Variants in CAPRIN2 observed in about 807,000 individuals in gnomAD.
The protein encoded by CAPRIN2 is caprin-2.
CAPRIN2 carries 66 observed loss-of-function variants against 130.4 expected under a neutral mutation model. The ratio of observed to expected loss-of-function variants is 0.51; its 90% CI spans 0.42 to 0.62. CAPRIN2 has a LOEUF of 0.62. Among genes scored for constraint, CAPRIN2 ranks in the 20% least tolerant of loss-of-function variants. The pLI, the probability that CAPRIN2 is intolerant of heterozygous loss-of-function variation, is 0.00. For missense variants in CAPRIN2, 1,185 were observed against 1,246.6 expected, an observed-to-expected ratio of 0.95 and a Z score of 0.74; for synonymous variants, 471 against 444.1, an observed-to-expected ratio of 1.06 and a Z score of -0.76.
Position 30,710,126 on chromosome 12 carries a change from G to C in CAPRIN2, c.3010C>G (p.Leu1004Val). 1 of 1,614,112 alleles carries C rather than the reference G, an allele frequency of 6.2e-7. No individual in the cohort carries two copies. The highest frequency in any genetic ancestry group is 8.5e-7 in the Non-Finnish European group (1 of 1,180,012). ...ACATACAGTGGCACATTCACTGCCA[G>C]CTTTAGCATGTGAAAAATGAAAACG... The change falls in exon 17 of 17, where the codon CTG becomes GTG. Residue 1004 changes from leucine to valine, a missense_variant. Leu to Val is a conservative substitution (Grantham distance 32, BLOSUM62 1). Around this residue, in one of 2 missense-constraint regions of CAPRIN2, gnomAD observed 81 missense variants for 142.2 expected, o/e 0.57. Transcript: ENST00000298892. This position sits in a 1 kb window ranked among gnomAD's most constrained non-coding sequence, Gnocchi z 4.8.
exon 1 of CAPRIN2, chr12:30,753,536 C>T (rs2074981174): frequency 6.2e-7 from 1 of 1,614,028 alleles, no homozygotes; most frequent in African/African-American, 1.3e-5. Flanking sequence ...CCTCTCTTTC[C>T]TCCTCTGAAT....
chr12:30,731,523 G>GATTA lies in CAPRIN2; in HGVS notation c.893-17_893-14dup, dbSNP rs746202645. 6.2e-7 allele frequency: 1 copy of GATTA among 1,601,506 alleles called. No homozygotes were observed. Among genetic ancestry groups the GATTA allele is most frequent in the South Asian group, 1.1e-5 (1 of 89,228 alleles). On this transcript the variant is annotated splice_polypyrimidine_tract_variant and intron_variant, in intron 5 of 16. Coordinates refer to ENST00000298892, the Ensembl canonical transcript of CAPRIN2. ...TTCAAGTGTTTGTCTAAGAAAGAGT[G>GATTA]ATTAAGACTTAATTGTCACATGACC... is the stretch of plus-strand genomic sequence containing the variant.
chr12:30,713,761 A>T, intron 15 of CAPRIN2, 24 bp downstream of exon 17: 1 of 1,319,418 alleles, frequency 7.6e-7, no homozygotes, highest in Non-Finnish European at 1.1e-6. Flanking sequence ...CCACTATTCA[A>T]CTATGACAAC....
intron 1 of CAPRIN2, among the ~76,000 whole-genome samples, chr12:30,752,736 C>T (rs920466225): frequency 1.3e-5 from 2 of 151,182 alleles, no homozygotes; most frequent in East Asian, 3.9e-4. Flanking sequence ...AGAAGAGAAA[C>T]GTAATACAGC....
At chr12:30,716,797 C>T in intron 12 of CAPRIN2, 121 bp from the exon 15 acceptor site, 1 of 762,896 alleles carries the variant, frequency 1.3e-6, no homozygotes, top group Non-Finnish European at 2.2e-6. Context: ...CTTGAATAGA[C>T]ATCTCTCCAA....
In CAPRIN2 at chr12:30,734,664, T is replaced by C. The variant is rs566767315; in HGVS notation, c.809+304A>G. Among the ~76,000 whole-genome samples the C allele has an allele frequency of 1.4e-4, 21 of 152,268 alleles. 1 individual carries two copies. The highest frequency in any genetic ancestry group is 6.2e-4 in the South Asian group (3 of 4,818). On this transcript the variant is annotated intron_variant, in intron 4 of 16. Transcript: ENST00000298892. ...GATATAATATTATACTTGTACAGGATTAAAATTTGATGCTCAGACCTCATT... is the reference window on the plus strand; with the variant it reads ...GATATAATATTATACTTGTACAGGACTAAAATTTGATGCTCAGACCTCATT...
chr12:30,724,382 C>A, exon 10 of CAPRIN2: 1 of 1,609,022 alleles, frequency 6.2e-7, no homozygotes, highest in Non-Finnish European at 8.5e-7. Context: ...ACGGGGCTAC[C>A]TGGAGTAGCT....
At chr12:30,743,130 C>T (rs1249957290) in intron 2 of CAPRIN2, among the ~76,000 whole-genome samples, 1 of 123,444 alleles carries the variant, frequency 8.1e-6, no homozygotes, top group South Asian at 3.2e-4. Flanking sequence ...CCTCCCCCCG[C>T]CCCCGCTTCT....
chr12:30,749,158 A>G (rs538514872), intron 2 of CAPRIN2, among the ~76,000 whole-genome samples: 7 of 152,280 alleles, frequency 4.6e-5, no homozygotes, highest in Non-Finnish European at 7.4e-5. Flanking sequence ...CACGTGCAAA[A>G]AACCCTGCAG....
intron 2 of CAPRIN2, among the ~76,000 whole-genome samples, chr12:30,746,288 T>C (rs1413843225): frequency 1.3e-5 from 2 of 152,180 alleles, no homozygotes; most frequent in African/African-American, 2.4e-5. Context: ...TCCTAGCTAC[T>C]CAGGAGGCTA....
At chr12:30,720,510 G>C (rs2059082104) in intron 12 of CAPRIN2, 1 of 195,494 alleles carries the variant, frequency 5.1e-6, no homozygotes, top group African/African-American at 2.3e-5. Flanking sequence ...TCTCCTAAAA[G>C]TCCTTCAGTG....
chr12:30,709,921 T>C (rs777291280), exon 17 of CAPRIN2: 1 of 1,607,944 alleles, frequency 6.2e-7, no homozygotes, highest in East Asian at 2.2e-5. Context: ...ATAAAGAAGA[T>C]AGCCTGAAAA....
chr12:30,726,086 C>T (rs374376176), exon 9 of CAPRIN2: 96 of 1,534,090 alleles, frequency 6.3e-5, no homozygotes, highest in Non-Finnish European at 7.6e-5. Context: ...CAGGCTTAGG[C>T]ACCTACAAGA....
chr12:30,723,828 T>C (rs956941602), intron 10 of CAPRIN2, among the ~76,000 whole-genome samples: 2 of 152,226 alleles, frequency 1.3e-5, no homozygotes, highest in Admixed American at 1.3e-4. Flanking sequence ...CACCCAGGAA[T>C]TGCTACACCA....
At chr12:30,751,488 C>T in intron 1 of CAPRIN2, 1 of 218,362 alleles carries the variant, frequency 4.6e-6, no homozygotes, top group Non-Finnish European at 9.4e-6. Context: ...CCCAAAGATA[C>T]CTGGCAATAT....
At position 30,731,342 on chromosome 12, in the gene CAPRIN2, CCTGA is replaced by C; in HGVS notation, c.1057_1060del (p.Glu354LeufsTer2). On this transcript the variant is annotated frameshift_variant and splice_region_variant, in exon 6 of 17. Coordinates refer to ENST00000298892, the Ensembl canonical transcript of CAPRIN2. LOFTEE classifies it high-confidence loss of function. ...AAGGATTTTCAGAGGTCACAACAAA[CCTGA>C]CTCTTTGACAGATTCAGTCTTCGAT... 1.2e-6 allele frequency: 2 copies of C among 1,611,038 alleles called. No homozygotes were observed. The highest frequency in any genetic ancestry group is 1.7e-6 in the Non-Finnish European group (2 of 1,178,296).
chr12:30,712,461 C>A (rs1171971267), intron 15 of CAPRIN2, among the ~76,000 whole-genome samples: 2 of 152,182 alleles, frequency 1.3e-5, no homozygotes, highest in African/African-American at 4.8e-5. Context: ...ACATCCTCCC[C>A]TCACATACAT....
Position 30,733,752 on chromosome 12 carries a change from A to T in CAPRIN2, c.810-41T>A, listed in dbSNP as rs1039265576. ...AGCAGCAGAACAAAGTGGCTTTAGA[A>T]GTACATATATATGGAGCAGCACAAT... On this transcript the variant is annotated intron_variant, in intron 4 of 16. Coordinates refer to ENST00000298892, the Ensembl canonical transcript of CAPRIN2. 6.1e-6 allele frequency: 8 copies of T among 1,313,834 alleles called. No homozygotes were observed. The African/African-American group carries it at 1.0e-4, about 17-fold the overall frequency. 81.4% of individuals were successfully genotyped at this position (1,313,834 alleles called of 1,614,324 possible). A position where few individuals can be genotyped will look rare whatever the true frequency, so the allele number is the denominator to read the frequency against.
At position 30,710,129 on chromosome 12, in the gene CAPRIN2, T is replaced by C; in HGVS notation, c.3007A>G (p.Lys1003Glu). 6.2e-7 allele frequency: 1 copy of C among 1,614,126 alleles called. No homozygotes were observed. The highest frequency in any genetic ancestry group is 8.5e-7 in the Non-Finnish European group (1 of 1,180,034). Residue 1003 changes from lysine to glutamate, a missense_variant, in exon 17 of 17, where the codon AAG becomes GAG. Lys to Glu is a moderately conservative substitution (Grantham distance 56, BLOSUM62 1). Around this residue, in one of 2 missense-constraint regions of CAPRIN2, gnomAD observed 81 missense variants for 142.2 expected, o/e 0.57. Coordinates refer to ENST00000298892, the Ensembl canonical transcript of CAPRIN2. The surrounding 1 kb of genome is among the most constrained non-coding windows in gnomAD (Gnocchi z 4.8). ...TACAGTGGCACATTCACTGCCAGCT[T>C]TAGCATGTGAAAAATGAAAACGTAA...
Sources: allele counts gnomAD v4.1 joint callset (sites outside exome capture counted in the v4.1 genomes callset), GRCh38; gene constraint gnomAD v4.1.1; regional missense constraint gnomAD v4.1.1; non-coding constraint Gnocchi (gnomAD v3.1); transcripts MANE v1.5; gene names NCBI Gene and HGNC (gene_info 2026-07-23, HGNC 2026-07-21).